The following IQGAP1 variants were observed in gnomAD, a reference collection of about 807,000 sequenced individuals.
IQGAP1 encodes IQ motif containing GTPase activating protein 1.
In IQGAP1, 66 loss-of-function variants were observed where a neutral mutation model predicts 215.6. The ratio of observed to expected loss-of-function variants is 0.31; its 90% CI spans 0.25 to 0.38. The LOEUF (loss-of-function observed/expected upper bound fraction) is 0.38, where lower values mean the gene tolerates loss of function less well. Ranked by LOEUF, IQGAP1 falls within the 10% of genes least tolerant of loss-of-function variation. The probability of loss-of-function intolerance (pLI) is 1.00; values close to 1 mark genes in which losing one functional copy is unlikely to be tolerated. For synonymous variants in IQGAP1, 772 were observed against 728.7 expected, an observed-to-expected ratio of 1.06 and a Z score of -0.96; for missense variants, 1,712 against 1,997.1, an observed-to-expected ratio of 0.86 and a Z score of 2.72.
chr15:90,474,926 C>T, intron 23 of IQGAP1: 1 of 484,420 alleles, frequency 2.1e-6, no homozygotes, highest in Non-Finnish European at 3.8e-6. Context: ...TCTCCTCCCT[C>T]AACCTCCTAA....
At chr15:90,390,912 G>A (rs1226746712) in intron 2 of IQGAP1, 39 bp downstream of exon 2, 4 of 1,191,922 alleles carry the variant, frequency 3.4e-6, no homozygotes, top group Non-Finnish European at 5.0e-6. Flanking sequence ...TAAGAGAAGG[G>A]AACTGATAAT....
At chr15:90,463,282 C>G (rs1030152564) in intron 15 of IQGAP1, among the ~76,000 whole-genome samples, 4 of 152,182 alleles carry the variant, frequency 2.6e-5, no homozygotes, top group African/African-American at 9.7e-5. Context: ...AAAGGTTCTA[C>G]CTTTCTCAAT....
chr15:90,449,162 T>C (rs1056532127), intron 10 of IQGAP1, among the ~76,000 whole-genome samples: 3 of 152,000 alleles, frequency 2.0e-5, no homozygotes, highest in African/African-American at 7.2e-5. Flanking sequence ...GGGATTGTAT[T>C]TCGTGGGTTT....
intron 26 of IQGAP1, among the ~76,000 whole-genome samples, chr15:90,479,104 C>T (rs1966020551): frequency 6.6e-6 from 1 of 152,120 alleles, no homozygotes; most frequent in Non-Finnish European, 1.5e-5. Context: ...AGAGTTAGAT[C>T]ATGCATGAAG....
chr15:90,388,338 C>T lies in IQGAP1; in HGVS notation c.-4C>T, dbSNP rs1405094567. On this transcript the variant is annotated 5_prime_UTR_variant, in exon 1 of 38. Transcript: ENST00000268182. ...TCCTCAGCAGAGACTCGGGCTCGTC[C>T]GCCATGTCCGCCGCAGACGAGGTTG... 2.5e-6 allele frequency: 4 copies of T among 1,595,774 alleles called. No homozygotes were observed. Among genetic ancestry groups the T allele is most frequent in the South Asian group, 1.1e-5 (1 of 90,374 alleles).
chr15:90,390,359 A>C (rs1012723620), intron 1 of IQGAP1, among the ~76,000 whole-genome samples: 12 of 152,224 alleles, frequency 7.9e-5, no homozygotes, highest in Non-Finnish European at 1.8e-4. Context: ...TGGGGTTTCA[A>C]TGAGAGAATG....
chr15:90,426,084 T>A (rs1965217554), intron 2 of IQGAP1, 26 bp from the exon 3 acceptor site: 1 of 1,576,402 alleles, frequency 6.3e-7, no homozygotes, highest in African/African-American at 1.4e-5. Flanking sequence ...CCTTTCTTTT[T>A]TTGCATCCTC....
At chr15:90,424,323 G>C (rs1216650193) in intron 2 of IQGAP1, among the ~76,000 whole-genome samples, 1 of 151,990 alleles carries the variant, frequency 6.6e-6, no homozygotes, top group Non-Finnish European at 1.5e-5. Context: ...TTTCAAATTG[G>C]TATCTCATTT....
At chr15:90,478,252 A>G (rs1966008603) in intron 26 of IQGAP1, among the ~76,000 whole-genome samples, 1 of 152,160 alleles carries the variant, frequency 6.6e-6, no homozygotes, top group African/African-American at 2.4e-5. Context: ...CGGCCTCCCA[A>G]AGTGCTGTGA....
At chr15:90,431,620 G>C (rs1057379365) in intron 4 of IQGAP1, among the ~76,000 whole-genome samples, 2 of 152,152 alleles carry the variant, frequency 1.3e-5, no homozygotes, top group African/African-American at 2.4e-5. Flanking sequence ...AACAAACACA[G>C]AATGTATTAA....
At chr15:90,410,220 C>T (rs1730330870) in intron 2 of IQGAP1, among the ~76,000 whole-genome samples, 2 of 152,152 alleles carry the variant, frequency 1.3e-5, no homozygotes, top group South Asian at 4.1e-4. Flanking sequence ...GAAGTCCTTG[C>T]CCATGCCTAT....
At chr15:90,490,266 C>T (rs1966184629) in intron 33 of IQGAP1, among the ~76,000 whole-genome samples, 1 of 152,194 alleles carries the variant, frequency 6.6e-6, no homozygotes, top group South Asian at 2.1e-4. Flanking sequence ...TCACAGATCA[C>T]ATAGAAGTAC....
intron 2 of IQGAP1, among the ~76,000 whole-genome samples, chr15:90,398,376 G>T (rs1964756971): frequency 2.6e-5 from 4 of 152,078 alleles, no homozygotes; most frequent in Admixed American, 2.6e-4. Flanking sequence ...GGTAGAGGGT[G>T]TGAGATTTCC....
At chr15:90,487,328 A>G in intron 32 of IQGAP1, 167 bp from the exon 33 acceptor site, 1 of 660,114 alleles carries the variant, frequency 1.5e-6, no homozygotes, top group Non-Finnish European at 2.7e-6. Flanking sequence ...CTACTTATGG[A>G]ATGGCTGGGT....
rs1282705203 is a variant in IQGAP1, at chr15:90,454,450, C to G, written c.1510C>G (p.Leu504Val). 3 of 1,613,518 alleles carry G rather than the reference C, an allele frequency of 1.9e-6. No individual in the cohort carries two copies. In the African/African-American group the frequency reaches 4.0e-5, roughly 22 times the overall value. The change falls in exon 14 of 38, where the codon CTG (leucine) becomes GTG (valine). Residue 504 changes from leucine to valine, a missense_variant. Leu to Val is a conservative substitution (Grantham distance 32). Transcript: ENST00000268182. ...CAGGTATCTCGATGAGTTGATGAAA[C>G]TGAAGGCTCAGGCACATGCAGAGAA... ...CQRYLDELMK[L>V]KAQAHAENNE... is the part of the protein sequence containing the mutation.
chr15:90,474,359 A>G, intron 22 of IQGAP1, 126 bp from the exon 23 acceptor site: 1 of 845,030 alleles, frequency 1.2e-6, no homozygotes, highest in South Asian at 1.5e-5. Context: ...ACTGCACCTG[A>G]TAGTTGTCTT....
chr15:90,491,929 G>A (rs563113070), intron 34 of IQGAP1, among the ~76,000 whole-genome samples: 1 of 152,202 alleles, frequency 6.6e-6, no homozygotes, highest in Admixed American at 6.5e-5. Context: ...TAGGTGTTCT[G>A]TGCTGTTGCA....
chr15:90,443,538 T>A (rs575124268), intron 9 of IQGAP1, 60 bp downstream of exon 9: 4 of 1,005,326 alleles, frequency 4.0e-6, no homozygotes, highest in African/African-American at 1.6e-5. Context: ...TGAATGTTGA[T>A]CTATTCTGGG....
At chr15:90,482,555 A>G (rs1596289522) in intron 28 of IQGAP1, 2 of 438,506 alleles carry the variant, frequency 4.6e-6, no homozygotes, top group East Asian at 5.2e-5. Flanking sequence ...TCGCTGTAGT[A>G]TTGTTCCCTC....
Sources: allele counts gnomAD v4.1 joint callset (sites outside exome capture counted in the v4.1 genomes callset), GRCh38; gene constraint gnomAD v4.1.1; transcripts MANE v1.5; gene names NCBI Gene and HGNC (gene_info 2026-07-23, HGNC 2026-07-21).